Variants in SNX3 observed in about 807,000 individuals in gnomAD.
The protein encoded by SNX3 is sorting nexin 3, also known as sorting nexin-3.
SNX3 carries 5 observed loss-of-function variants against 17.7 expected under a neutral mutation model. That is an observed-to-expected ratio of 0.28 (90% CI 0.15 to 0.59). The LOEUF (loss-of-function observed/expected upper bound fraction) is 0.59. Ranked by LOEUF, SNX3 falls within the 20% of genes least tolerant of loss-of-function variation. SNX3 has a pLI of 0.88. For synonymous variants in SNX3, 91 were observed against 76.5 expected (o/e 1.19, Z -0.99); for missense variants, 132 against 206.8 (o/e 0.64, Z 2.22).
At chr6:108,256,941 C>T (rs1463462513) in intron 1 of SNX3, among the ~76,000 whole-genome samples, 1 of 152,142 alleles carries the variant, frequency 6.6e-6, no homozygotes, top group Non-Finnish European at 1.5e-5. Flanking sequence ...ATCAAGTGAT[C>T]CTAATAGTCT....
Position 108,261,014 on chromosome 6 carries a change from G to C in SNX3, c.-93C>G, listed in dbSNP as rs943478744. On this transcript the variant is annotated 5_prime_UTR_variant, in exon 1 of 4. Transcript: ENST00000230085. ...CGCTGCTGCCCGCCGTGGGGACACG[G>C]GGCTCGCGCGCAGCGGTCGCGAAGA... 4.7e-5 allele frequency: 57 copies of C among 1,222,594 alleles called. No homozygotes were observed. Among genetic ancestry groups the C allele is most frequent in the Admixed American group, 3.2e-4 (8 of 25,122 alleles). 75.7% of individuals were successfully genotyped at this position (1,222,594 alleles called of 1,614,324 possible). A position where few individuals can be genotyped will look rare whatever the true frequency, so the allele number is the denominator to read the frequency against.
chr6:108,240,582 G>A (rs752579203), intron 1 of SNX3, among the ~76,000 whole-genome samples: 3 of 152,186 alleles, frequency 2.0e-5, no homozygotes, highest in Non-Finnish European at 4.4e-5. Context: ...ATCAATGGTA[G>A]TTCTACCAGG....
Position 108,260,961 on chromosome 6 carries a change from C to T in SNX3, c.-40G>A, listed in dbSNP as rs747844488. ...TGCCGCCGCCGCGGGCTCCCTCCGCCCCCTCCGCGTTCAGCCGCCGCCGCC... is the reference window on the plus strand; with the variant it reads ...TGCCGCCGCCGCGGGCTCCCTCCGCTCCCTCCGCGTTCAGCCGCCGCCGCC... On this transcript the variant is annotated 5_prime_UTR_variant, in exon 1 of 4. Transcript: ENST00000230085. The T allele has an allele frequency of 6.7e-7, 1 of 1,484,784 alleles. No individual in the cohort carries two copies. The highest frequency in any genetic ancestry group is 2.5e-5 in the Admixed American group (1 of 40,696). The allele number at this position is 1,484,784 out of a possible 1,614,324, so 92.0% of individuals were successfully genotyped here.
At chr6:108,224,514 G>T (rs534836125) in intron 1 of SNX3, among the ~76,000 whole-genome samples, 1 of 151,988 alleles carries the variant, frequency 6.6e-6, no homozygotes, top group African/African-American at 2.4e-5. Context: ...TCTCCTGACC[G>T]CGTGATCTGC....
chr6:108,213,827 C>T (rs965864330), intron 3 of SNX3, among the ~76,000 whole-genome samples: 3 of 152,180 alleles, frequency 2.0e-5, no homozygotes, highest in Admixed American at 6.5e-5. Flanking sequence ...TGTAAGCTCA[C>T]ATTACCATAT....
chr6:108,258,432 T>A (rs1196335971), intron 1 of SNX3, among the ~76,000 whole-genome samples: 1 of 147,812 alleles, frequency 6.8e-6, no homozygotes, highest in African/African-American at 2.5e-5. Flanking sequence ...CACTGCAGCC[T>A]GGGCAACAGA....
chr6:108,234,866 T>C (rs1416826213), intron 1 of SNX3, among the ~76,000 whole-genome samples: 1 of 152,176 alleles, frequency 6.6e-6, no homozygotes, highest in Non-Finnish European at 1.5e-5. Flanking sequence ...GCTATCTAAC[T>C]CTAGGCAAAA....
At position 108,236,205 on chromosome 6, in the gene SNX3, C is replaced by T. The variant is rs536592625; in HGVS notation, c.163-13160G>A. On this transcript the variant is annotated intron_variant, in intron 1 of 3. Transcript: ENST00000230085. ...AATAGTCATATGAAACAGTTTTGGC[C>T]GGGCACGATGGTTCGTGCCTGTAAT... is the stretch of plus-strand genomic sequence containing the variant. 6.6e-5 allele frequency among the ~76,000 whole-genome samples: 10 copies of T among 151,736 alleles called. No individual in the cohort carries two copies. In the South Asian group the frequency reaches 1.7e-3, roughly 25 times the overall value.
At chr6:108,226,115 G>A (rs1474428967) in intron 1 of SNX3, among the ~76,000 whole-genome samples, 1 of 151,878 alleles carries the variant, frequency 6.6e-6, no homozygotes, top group Non-Finnish European at 1.5e-5. Context: ...TTTGAGACAG[G>A]GTTTCACTCT....
At chr6:108,248,409 G>A (rs139155894) in intron 1 of SNX3, among the ~76,000 whole-genome samples, 29 of 152,320 alleles carry the variant, frequency 1.9e-4, no homozygotes, top group South Asian at 8.3e-4. Flanking sequence ...TCAGGCTGCT[G>A]TGAACTTACT....
At chr6:108,246,445 C>T (rs1423374331) in intron 1 of SNX3, among the ~76,000 whole-genome samples, 1 of 149,700 alleles carries the variant, frequency 6.7e-6, no homozygotes, top group African/African-American at 2.5e-5. Flanking sequence ...CTGCCTCAGC[C>T]TCCCGACTAG....
intron 1 of SNX3, among the ~76,000 whole-genome samples, chr6:108,224,286 G>T (rs1230282636): frequency 2.0e-5 from 3 of 151,798 alleles, no homozygotes; most frequent in Admixed American, 6.6e-5. Flanking sequence ...TACTTTTTTT[G>T]ATTTATTTTT....
chr6:108,260,901 G>A lies in SNX3; in HGVS notation c.21C>T (p.Asp7=), dbSNP rs780695887. The A allele has an allele frequency of 6.2e-6, 10 of 1,606,312 alleles. No individual in the cohort carries two copies. The highest frequency in any genetic ancestry group is 4.6e-5 in the East Asian group (2 of 43,788). Reference sequence around the variant, plus strand: ...GCGGCTTGGTGATCAGCCGCCGGGTGTCAGCCACGGTCTCCGCCATTTCGC... The same window carrying A: ...GCGGCTTGGTGATCAGCCGCCGGGTATCAGCCACGGTCTCCGCCATTTCGC... MAETVA[D]TRRLITKPQN... Residue 7 remains aspartate (D), a synonymous_variant, in exon 1 of 4, where the codon GAC becomes GAT. Coordinates refer to ENST00000230085, the MANE Select transcript of SNX3 (RefSeq NM_003795.6).
At chr6:108,229,126 G>A (rs1027092295) in intron 1 of SNX3, among the ~76,000 whole-genome samples, 1 of 151,914 alleles carries the variant, frequency 6.6e-6, no homozygotes, top group Non-Finnish European at 1.5e-5. Flanking sequence ...CGGGTGAGGT[G>A]GCACGAGCCT....
chr6:108,251,973 G>A (rs1362488078), intron 1 of SNX3, among the ~76,000 whole-genome samples: 2 of 151,834 alleles, frequency 1.3e-5, no homozygotes, highest in Non-Finnish European at 2.9e-5. Context: ...GCTGAAGCAT[G>A]AGAATTGCTT....
intron 1 of SNX3, among the ~76,000 whole-genome samples, chr6:108,238,115 A>AAAC (rs1219345744): frequency 1.3e-5 from 2 of 151,454 alleles, no homozygotes; most frequent in African/African-American, 4.9e-5. Flanking sequence ...AAAAAAAAAA[A>AAAC]AAAAACAAAC....
rs553104073 is a variant in SNX3, at chr6:108,214,686, A to G, written c.259-64T>C. Reference sequence around the variant, plus strand: ...TGGGTTGTGAAAATTTATAGAGCACAACATGAAGACAAAGCATGTCCTCAC... The same window carrying G: ...TGGGTTGTGAAAATTTATAGAGCACGACATGAAGACAAAGCATGTCCTCAC... On this transcript the variant is annotated intron_variant, in intron 2 of 3. Transcript: ENST00000230085. 2.6e-6 allele frequency: 4 copies of G among 1,543,090 alleles called. No homozygotes were observed. The East Asian group carries it at 9.1e-5, about 35-fold the overall frequency.
At chr6:108,248,768 CT>C (rs550347668) in intron 1 of SNX3, among the ~76,000 whole-genome samples, 13 of 148,910 alleles carry the variant, frequency 8.7e-5, no homozygotes, top group Non-Finnish European at 9.0e-5. Flanking sequence ...TCCTTCCTTT[CT>C]TTTTTTTTTG....
chr6:108,243,494 T>G (rs1030644657), intron 1 of SNX3, among the ~76,000 whole-genome samples: 3 of 152,228 alleles, frequency 2.0e-5, no homozygotes, highest in African/African-American at 7.2e-5. Flanking sequence ...TGGGTTTTCA[T>G]GCTCATGTGT....
Sources: allele counts gnomAD v4.1 joint callset (sites outside exome capture counted in the v4.1 genomes callset), GRCh38; gene constraint gnomAD v4.1.1; transcripts MANE v1.5; gene names NCBI Gene and HGNC (gene_info 2026-07-23, HGNC 2026-07-21).